The following CHL1 variants were observed in gnomAD, a reference collection of about 807,000 sequenced individuals.
CHL1 encodes cell adhesion molecule L1 like, also known as neural cell adhesion molecule L1-like protein.
CHL1 carries 96 observed loss-of-function variants against 141.9 expected under a neutral mutation model. The observed-to-expected ratio is 0.68, with a 90% CI of 0.57 to 0.80. The LOEUF (loss-of-function observed/expected upper bound fraction) is 0.80. CHL1 is among the 30% of genes least tolerant of loss of function. The probability of loss-of-function intolerance (pLI) is 0.00; values close to 1 mark genes in which losing one functional copy is unlikely to be tolerated. For synonymous variants in CHL1, 613 were observed against 502.2 expected (o/e 1.22, Z -2.95); for missense variants, 1,820 against 1,457.2 (o/e 1.25, Z -4.05).
At chr3:340,222 T>A (rs1220794169) in intron 5 of CHL1, among the ~76,000 whole-genome samples, 1 of 152,182 alleles carries the variant, frequency 6.6e-6, no homozygotes, top group Non-Finnish European at 1.5e-5. Context: ...AAATTTTTAT[T>A]TAATGGGAGT....
At chr3:216,380 C>T (rs1264863595) in intron 1 of CHL1, among the ~76,000 whole-genome samples, 1 of 152,188 alleles carries the variant, frequency 6.6e-6, no homozygotes, top group African/African-American at 2.4e-5. Flanking sequence ...GAAAAAGTCT[C>T]TTCACTTTTG....
At chr3:200,926 T>C (rs1213971486) in intron 1 of CHL1, among the ~76,000 whole-genome samples, 1 of 152,212 alleles carries the variant, frequency 6.6e-6, no homozygotes, top group Non-Finnish European at 1.5e-5. Context: ...ATTACTGCAG[T>C]TTATTTTATG....
At chr3:290,722 G>A (rs949420435) in intron 2 of CHL1, among the ~76,000 whole-genome samples, 3 of 152,072 alleles carry the variant, frequency 2.0e-5, no homozygotes, top group African/African-American at 7.2e-5. Context: ...TGGAATTGCT[G>A]AGAACATCAG....
chr3:207,812 T>C (rs538928499), intron 1 of CHL1, among the ~76,000 whole-genome samples: 1 of 152,300 alleles, frequency 6.6e-6, no homozygotes, highest in Admixed American at 6.5e-5. Flanking sequence ...AGTCTGCTCT[T>C]CCCATGCATA....
chr3:276,764 C>T (rs760871256), intron 2 of CHL1, among the ~76,000 whole-genome samples: 1 of 151,902 alleles, frequency 6.6e-6, no homozygotes, highest in Non-Finnish European at 1.5e-5. Flanking sequence ...TGGCCGGCAC[C>T]TGTAGTCCCA....
intron 1 of CHL1, among the ~76,000 whole-genome samples, chr3:198,420 GC>G (rs975448574): frequency 1.2e-4 from 18 of 151,972 alleles, no homozygotes; most frequent in African/African-American, 3.4e-4. Context: ...TAACTGGTGG[GC>G]CCCCCGGGCT....
intron 9 of CHL1, 47 bp from the exon 10 acceptor site, chr3:349,312 C>T (rs957254301): frequency 1.3e-6 from 2 of 1,502,686 alleles, no homozygotes; most frequent in African/African-American, 1.4e-5. Context: ...TTGTATTTTA[C>T]TTTCCGCTTT....
chr3:298,690 G>T (rs1484827575), intron 2 of CHL1, among the ~76,000 whole-genome samples: 1 of 152,066 alleles, frequency 6.6e-6, no homozygotes, highest in African/African-American at 2.4e-5. Context: ...GATTTGACTG[G>T]GCTACCTTGT....
At chr3:251,002 ATC>A (rs1186698265) in intron 2 of CHL1, among the ~76,000 whole-genome samples, 58 of 152,156 alleles carry the variant, frequency 3.8e-4, no homozygotes, top group Non-Finnish European at 6.8e-4. Context: ...GAAGCTTATA[ATC>A]TTATAAAGGC....
Position 382,494 on chromosome 3 carries a change from G to C in CHL1, c.1999G>C (p.Gly667Arg). Reference sequence around the variant, plus strand: ...ACCAGAGTATATTGTTGAATTTGAAGGAAACAAAGAAGAGCCTGGAAGGTG... The same window carrying C: ...ACCAGAGTATATTGTTGAATTTGAACGAAACAAAGAAGAGCCTGGAAGGTG... The part of the protein sequence containing the change: ...NISEYIVEFE[G>R]NKEEPGRWEE... Residue 667 changes from glycine (G) to arginine (R), a missense_variant, in exon 18 of 28, where the codon GGA becomes CGA. By Grantham distance (125) the Gly-to-Arg change is moderately radical. Coordinates refer to ENST00000256509, the MANE Select transcript of CHL1 (RefSeq NM_006614.4). The C allele has an allele frequency of 6.2e-7, 1 of 1,613,502 alleles. No individual in the cohort carries two copies. The highest frequency in any genetic ancestry group is 8.5e-7 in the Non-Finnish European group (1 of 1,179,596).
chr3:354,112 T>C (rs1703498362), intron 10 of CHL1, among the ~76,000 whole-genome samples: 1 of 152,132 alleles, frequency 6.6e-6, no homozygotes, highest in Non-Finnish European at 1.5e-5. Context: ...AAAAAAACTC[T>C]AGGAAATAAT....
chr3:399,362 C>A (rs772748506), intron 26 of CHL1, among the ~76,000 whole-genome samples: 3 of 152,166 alleles, frequency 2.0e-5, no homozygotes, highest in Non-Finnish European at 4.4e-5. Context: ...GCTCTAACTG[C>A]CGGGCGCAGT....
intron 2 of CHL1, among the ~76,000 whole-genome samples, chr3:288,350 A>G (rs571547479): frequency 1.3e-5 from 2 of 151,958 alleles, no homozygotes; most frequent in African/African-American, 4.8e-5. Context: ...TTACATATAT[A>G]CAGGCATAAT....
chr3:391,127 G>C lies in CHL1; in HGVS notation c.2759G>C (p.Ser920Thr). Residue 920 changes from serine (S) to threonine (T), a missense_variant, in exon 22 of 28, where the codon AGT (serine) becomes ACT (threonine). Physicochemically the swap from Ser to Thr is moderately conservative, Grantham distance 58. Coordinates refer to ENST00000256509, the MANE Select transcript of CHL1 (RefSeq NM_006614.4). ...AYNSKGAGPE[S>T]EPYIFQTPEG... ...AACTCTAAAGGAGCTGGTCCTGAAA[G>C]TGAGCCTTATATATTTCAAACACCA... is the stretch of plus-strand genomic sequence containing the variant. The C allele has an allele frequency of 1.2e-6, 2 of 1,613,622 alleles. No individual in the cohort carries two copies. Among genetic ancestry groups the C allele is most frequent in the Non-Finnish European group, 1.7e-6 (2 of 1,179,606 alleles).
At chr3:302,434 A>C (rs1698839557) in intron 2 of CHL1, among the ~76,000 whole-genome samples, 2 of 152,150 alleles carry the variant, frequency 1.3e-5, no homozygotes, top group Admixed American at 1.3e-4. Context: ...TAAAGATGGC[A>C]ATTCTAACTG....
chr3:335,807 G>C (rs1335281827), intron 5 of CHL1, among the ~76,000 whole-genome samples: 1 of 152,166 alleles, frequency 6.6e-6, no homozygotes, highest in Non-Finnish European at 1.5e-5. Context: ...CACAGAAGTT[G>C]TTGAGATGCA....
At chr3:331,426 G>A (rs1316207160) in intron 5 of CHL1, among the ~76,000 whole-genome samples, 1 of 151,916 alleles carries the variant, frequency 6.6e-6, no homozygotes, top group Non-Finnish European at 1.5e-5. Context: ...TATTTTTGTA[G>A]AGATGGGGTC....
chr3:306,698 AAT>A (rs1284771850), intron 2 of CHL1, among the ~76,000 whole-genome samples: 2 of 152,322 alleles, frequency 1.3e-5, no homozygotes, highest in African/African-American at 4.8e-5. Context: ...TGACAAAAAA[AAT>A]AATGCAAAAA....
At chr3:296,044 C>T (rs331892) in intron 2 of CHL1, among the ~76,000 whole-genome samples, 86,116 of 151,936 alleles carry the variant, frequency 0.57, 26,872 homozygotes, top group African/African-American at 0.84. Flanking sequence ...CTACTGATTG[C>T]TTTATATTTT....
Sources: allele counts gnomAD v4.1 joint callset (sites outside exome capture counted in the v4.1 genomes callset), GRCh38; gene constraint gnomAD v4.1.1; transcripts MANE v1.5; gene names NCBI Gene and HGNC (gene_info 2026-07-23, HGNC 2026-07-21).